Variants in ADGRL3 observed in about 807,000 individuals in gnomAD.
ADGRL3 encodes the protein calcium-independent alpha-latrotoxin receptor 3.
ADGRL3 carries 62 observed loss-of-function variants against 153.5 expected under a neutral mutation model. The ratio of observed to expected loss-of-function variants is 0.40; its 90% confidence interval spans 0.33 to 0.50. The LOEUF (loss-of-function observed/expected upper bound fraction) is 0.50, where lower values mean the gene tolerates loss of function less well. Among genes scored for constraint, ADGRL3 ranks in the 20% least tolerant of loss-of-function variants. The probability of loss-of-function intolerance (pLI) is 0.47; values close to 1 mark genes in which losing one functional copy is unlikely to be tolerated. For missense variants in ADGRL3, 1,641 were observed against 1,859.4 expected, an observed-to-expected ratio of 0.88 and a Z score of 2.16; for synonymous variants, 710 against 672.5, an observed-to-expected ratio of 1.06 and a Z score of -0.86.
At chr4:61,337,371 T>G (rs1199569643) in intron 1 of ADGRL3, among the ~76,000 whole-genome samples, 2 of 152,178 alleles carry the variant, frequency 1.3e-5, no homozygotes, top group Non-Finnish European at 2.9e-5. Context: ...TTGTTTTCCT[T>G]CCCTCCACAC....
At chr4:61,632,588 A>C (rs892352258) in intron 5 of ADGRL3, among the ~76,000 whole-genome samples, 1 of 152,104 alleles carries the variant, frequency 6.6e-6, no homozygotes, top group Admixed American at 6.6e-5. Context: ...TCTAGCCTAG[A>C]TATTGGCCCT....
chr4:61,613,699 C>G (rs1465221290), intron 5 of ADGRL3, among the ~76,000 whole-genome samples: 1 of 152,184 alleles, frequency 6.6e-6, no homozygotes, highest in Non-Finnish European at 1.5e-5. Flanking sequence ...AGCCAAAATT[C>G]TGCTACTGCA....
chr4:61,876,923 A>G (rs1164128186), intron 9 of ADGRL3, among the ~76,000 whole-genome samples: 2 of 151,020 alleles, frequency 1.3e-5, no homozygotes, highest in Non-Finnish European at 3.0e-5. Flanking sequence ...AAAAAAAAAA[A>G]AAAAGAAAGA....
At chr4:61,465,602 T>C (rs1177559565) in intron 2 of ADGRL3, among the ~76,000 whole-genome samples, 1 of 151,298 alleles carries the variant, frequency 6.6e-6, no homozygotes, top group East Asian at 1.9e-4. Context: ...AAAGAAAATA[T>C]GCAATAATTA....
chr4:61,738,135 A>G (rs1328640450), intron 8 of ADGRL3, among the ~76,000 whole-genome samples: 1 of 151,930 alleles, frequency 6.6e-6, no homozygotes, highest in South Asian at 2.1e-4. Flanking sequence ...TGCCTTTTGC[A>G]TCCTCATAGC....
At chr4:61,738,884 T>C (rs979603312) in intron 8 of ADGRL3, among the ~76,000 whole-genome samples, 41 of 152,178 alleles carry the variant, frequency 2.7e-4, no homozygotes, top group African/African-American at 9.9e-4. Context: ...CTAAGTGAAG[T>C]TTCTCCTTGA....
intron 8 of ADGRL3, among the ~76,000 whole-genome samples, chr4:61,753,940 C>A (rs1465708523): frequency 4.6e-5 from 7 of 152,156 alleles, no homozygotes; most frequent in Admixed American, 1.3e-4. Flanking sequence ...GACTTGCCAT[C>A]AGTCTTTGCC....
chr4:61,275,148 C>G (rs2093400596), intron 1 of ADGRL3, among the ~76,000 whole-genome samples: 1 of 152,156 alleles, frequency 6.6e-6, no homozygotes, highest in Non-Finnish European at 1.5e-5. Flanking sequence ...AAACTACATA[C>G]TGTTCATACA....
At chr4:61,471,092 T>C (rs1014487745) in intron 2 of ADGRL3, among the ~76,000 whole-genome samples, 46 of 151,992 alleles carry the variant, frequency 3.0e-4, no homozygotes, top group African/African-American at 1.1e-3. Context: ...TTGTCCTTTT[T>C]ACTGCTTGAA....
chr4:61,903,650 C>CAAAAAAAAAAAAAA (rs55879235), intron 11 of ADGRL3, among the ~76,000 whole-genome samples: 22 of 72,354 alleles, frequency 3.0e-4, no homozygotes, highest in African/African-American at 1.2e-3. Flanking sequence ...TGGGAAACAG[C>CAAAAAAAAAAAAAA]AAAAAAAAAA....
In ADGRL3 at chr4:61,259,251, G is replaced by A. The variant is rs565045445; in HGVS notation, c.-240+57486G>A. ...ATCCTGGCTAACACAGTGAAACCCC[G>A]TCTCTACTAAAAATATAAAAAATTA... On this transcript the variant is annotated intron_variant, in intron 1 of 26. Transcript: ENST00000683033. Among the ~76,000 whole-genome samples the A allele has an allele frequency of 1.5e-4, 23 of 151,968 alleles. No homozygotes were observed. In the Middle Eastern group the frequency reaches 0.031, roughly 202 times the overall value.
intron 4 of ADGRL3, among the ~76,000 whole-genome samples, chr4:61,538,631 AG>A (rs1483325951): frequency 6.6e-6 from 1 of 151,954 alleles, no homozygotes. Context: ...TAGTAGAGAC[AG>A]GGTTTCTCCA....
intron 1 of ADGRL3, among the ~76,000 whole-genome samples, chr4:61,261,525 G>A (rs967406321): frequency 6.6e-6 from 1 of 152,002 alleles, no homozygotes; most frequent in Non-Finnish European, 1.5e-5. Context: ...CTGAACCCAC[G>A]GATACAGAGA....
intron 5 of ADGRL3, among the ~76,000 whole-genome samples, chr4:61,606,582 T>A (rs574636334): frequency 1.3e-5 from 2 of 152,274 alleles, no homozygotes; most frequent in East Asian, 3.9e-4. Flanking sequence ...TGGACGAGGG[T>A]CCCATCTTTA....
chr4:61,590,197 C>T (rs1376791215), intron 5 of ADGRL3, among the ~76,000 whole-genome samples: 1 of 152,038 alleles, frequency 6.6e-6, no homozygotes, highest in East Asian at 1.9e-4. Context: ...GCTGCCTTGT[C>T]TAAAGCAAAT....
At chr4:61,370,073 A>G (rs940191341) in intron 1 of ADGRL3, among the ~76,000 whole-genome samples, 2 of 152,036 alleles carry the variant, frequency 1.3e-5, no homozygotes, top group African/African-American at 2.4e-5. Flanking sequence ...ATCGGTGGTG[A>G]TATCCCCTTT....
chr4:62,006,032 A>ATATATTTTTTT (rs1203029363), intron 21 of ADGRL3, among the ~76,000 whole-genome samples: 1 of 73,090 alleles, frequency 1.4e-5, no homozygotes, highest in African/African-American at 5.0e-5. Flanking sequence ...ATATATATAT[A>ATATATTTTTTT]TTTTTTTTTT....
intron 1 of ADGRL3, among the ~76,000 whole-genome samples, chr4:61,334,383 C>T (rs549554324): frequency 3.9e-5 from 6 of 152,094 alleles, no homozygotes; most frequent in East Asian, 1.9e-4. Context: ...TAAACTCTGA[C>T]GATTCAGTGC....
intron 25 of ADGRL3, among the ~76,000 whole-genome samples, chr4:62,063,822 G>T (rs181223654): frequency 6.6e-6 from 1 of 151,950 alleles, no homozygotes; most frequent in East Asian, 1.9e-4. Flanking sequence ...GTAAAAAATG[G>T]ATTCCTTCTG....
Sources: gnomAD v4.1 joint callset for allele counts (sites outside exome capture counted in the v4.1 genomes callset) on GRCh38, gnomAD v4.1.1 for gene constraint, MANE v1.5 for transcripts, NCBI Gene and HGNC (gene_info 2026-07-23, HGNC 2026-07-21) for gene names.